RAB27A: variants seen among roughly 807,000 people sequenced by gnomAD.
The protein encoded by RAB27A is RAB27A, member RAS oncogene family, also known as ras-related protein Rab-27A.
A neutral mutation model predicts 20.8 loss-of-function variants in RAB27A; 17 were observed. The observed-to-expected ratio is 0.82, with a 90% CI of 0.56 to 1.23. The LOEUF is 1.23. Ranked by LOEUF, RAB27A falls within the 50% of genes most tolerant of loss-of-function variation. RAB27A has a pLI of 0.00. For missense variants in RAB27A, 277 were observed against 266.7 expected, an observed-to-expected ratio of 1.04 and a Z score of -0.27; for synonymous variants, 85 against 92.8, an observed-to-expected ratio of 0.92 and a Z score of 0.48.
At chr15:55,243,784 G>A (rs1057469936) in intron 2 of RAB27A, among the ~76,000 whole-genome samples, 9 of 152,098 alleles carry the variant, frequency 5.9e-5, no homozygotes, top group Non-Finnish European at 1.3e-4. Flanking sequence ...ATTCAATGTG[G>A]AAAATCTCTT....
chr15:55,316,678 A>G (rs576808289), intron 1 of RAB27A, among the ~76,000 whole-genome samples: 3 of 152,320 alleles, frequency 2.0e-5, no homozygotes, highest in Non-Finnish European at 2.9e-5. Context: ...AATTTTAACT[A>G]TATGAATAAT....
At chr15:55,207,667 T>C (rs188559016) in intron 6 of RAB27A, among the ~76,000 whole-genome samples, 42 of 152,230 alleles carry the variant, frequency 2.8e-4, no homozygotes, top group African/African-American at 9.1e-4. Flanking sequence ...AATGCGACTT[T>C]TTTGTTTTTG....
chr15:55,239,150 T>C (rs1201701273), intron 2 of RAB27A, among the ~76,000 whole-genome samples: 1 of 152,204 alleles, frequency 6.6e-6, no homozygotes, highest in Non-Finnish European at 1.5e-5. Context: ...CAAACTGTGC[T>C]GACAAATTAA....
At chr15:55,262,666 T>G (rs1425535895) in intron 2 of RAB27A, among the ~76,000 whole-genome samples, 3 of 149,692 alleles carry the variant, frequency 2.0e-5, no homozygotes, top group Non-Finnish European at 3.0e-5. Flanking sequence ...AAGATCTCAC[T>G]CTGTTGTCCA....
chr15:55,218,870 G>C (rs1895435647), intron 6 of RAB27A, among the ~76,000 whole-genome samples: 1 of 151,792 alleles, frequency 6.6e-6, no homozygotes, highest in East Asian at 1.9e-4. Context: ...AGCCTCCCAA[G>C]TAGCTGGGAT....
Position 55,258,522 on chromosome 15 carries a change from G to A in RAB27A, c.-23+11643C>T, listed in dbSNP as rs551547461. On this transcript the variant is annotated intron_variant, in intron 2 of 6. Coordinates refer to ENST00000336787, the MANE Select transcript of RAB27A (RefSeq NM_183235.3). Reference sequence around the variant, plus strand: ...ATCTGAACCAATTCAGTGCACACCAGGGGGAGTCACCTCCTCTAGGGTAGG... The same window carrying A: ...ATCTGAACCAATTCAGTGCACACCAAGGGGAGTCACCTCCTCTAGGGTAGG... Among the ~76,000 whole-genome samples the A allele has an allele frequency of 2.4e-3, 368 of 152,292 alleles. 2 individuals carry two copies. The highest frequency in any genetic ancestry group is 4.2e-3 in the Non-Finnish European group (286 of 68,020).
At chr15:55,287,110 G>A (rs573962575) in intron 1 of RAB27A, among the ~76,000 whole-genome samples, 3 of 151,950 alleles carry the variant, frequency 2.0e-5, no homozygotes, top group African/African-American at 7.2e-5. Flanking sequence ...AGTAGATACA[G>A]GGCTTCACCA....
chr15:55,214,156 G>T (rs142649283), intron 6 of RAB27A, among the ~76,000 whole-genome samples: 4,411 of 152,310 alleles, frequency 0.029, 119 homozygotes, highest in Middle Eastern at 0.054. Context: ...ACTGGTTGAG[G>T]CCGGGCGCGA....
At chr15:55,292,983 A>G (rs1298147260), upstream of RAB27A, among the ~76,000 whole-genome samples, 2 of 152,218 alleles carry the variant, frequency 1.3e-5, no homozygotes, top group African/African-American at 4.8e-5. Flanking sequence ...GAGTGTTATT[A>G]CAGAAACTAA....
At chr15:55,236,650 C>G (rs925437360) in intron 2 of RAB27A, among the ~76,000 whole-genome samples, 2 of 152,156 alleles carry the variant, frequency 1.3e-5, no homozygotes, top group African/African-American at 4.8e-5. Context: ...TAGATTCAAA[C>G]CCAAAATATC....
chr15:55,271,060 C>T (rs560756267), intron 1 of RAB27A, among the ~76,000 whole-genome samples: 1 of 152,264 alleles, frequency 6.6e-6, no homozygotes, highest in East Asian at 1.9e-4. Flanking sequence ...TCTTAGATGG[C>T]TATAATAAAC....
intron 3 of RAB27A, 46 bp from the exon 4 acceptor site, chr15:55,230,532 C>T (rs778839712): frequency 6.1e-5 from 90 of 1,485,704 alleles, no homozygotes; most frequent in Non-Finnish European, 2.5e-5. Context: ...ACTTCTAACA[C>T]CAGCGAACCT....
chr15:55,239,787 G>T (rs1441731123), intron 2 of RAB27A, among the ~76,000 whole-genome samples: 1 of 152,154 alleles, frequency 6.6e-6, no homozygotes, highest in Non-Finnish European at 1.5e-5. Context: ...GAATTCCAAA[G>T]AATAAGAAAA....
chr15:55,244,679 T>G (rs555158332), intron 2 of RAB27A, among the ~76,000 whole-genome samples: 1 of 152,252 alleles, frequency 6.6e-6, no homozygotes, highest in Non-Finnish European at 1.5e-5. Flanking sequence ...ACTTCACTTA[T>G]TGCAGTGCAA....
chr15:55,313,055 C>A (rs2055028129), intron 2 of RAB27A, among the ~76,000 whole-genome samples: 1 of 152,136 alleles, frequency 6.6e-6, no homozygotes, highest in Non-Finnish European at 1.5e-5. Context: ...CTAAGCAAAG[C>A]CAAACCTCTT....
chr15:55,314,943 C>T (rs1206653854), intron 1 of RAB27A, among the ~76,000 whole-genome samples: 1 of 152,018 alleles, frequency 6.6e-6, no homozygotes, highest in Non-Finnish European at 1.5e-5. Context: ...AAAAAAGAGC[C>T]CATATAGCCA....
chr15:55,277,307 G>GT (rs1372897494), intron 1 of RAB27A, among the ~76,000 whole-genome samples: 2 of 152,154 alleles, frequency 1.3e-5, no homozygotes, highest in African/African-American at 4.8e-5. Context: ...GCGTCTACTG[G>GT]TTTTTTGTAA....
chr15:55,215,472 G>A (rs1047134551), intron 6 of RAB27A, among the ~76,000 whole-genome samples: 13 of 150,088 alleles, frequency 8.7e-5, no homozygotes, highest in Middle Eastern at 6.4e-3. Flanking sequence ...CTAACACGGT[G>A]AAACCCCGTC....
intron 2 of RAB27A, among the ~76,000 whole-genome samples, chr15:55,258,221 C>T (rs899102461): frequency 6.6e-6 from 1 of 152,164 alleles, no homozygotes; most frequent in Non-Finnish European, 1.5e-5. Context: ...TATCTAATTA[C>T]TTAATGTCTC....
Sources: gnomAD v4.1 joint callset for allele counts (sites outside exome capture counted in the v4.1 genomes callset) on GRCh38, gnomAD v4.1.1 for gene constraint, MANE v1.5 for transcripts, NCBI Gene and HGNC (gene_info 2026-07-23, HGNC 2026-07-21) for gene names.